Variants in SMOC1 observed in about 807,000 individuals in gnomAD.
The protein encoded by SMOC1 is SPARC related modular calcium binding 1, also known as SPARC-related modular calcium-binding protein 1.
A neutral mutation model predicts 56.3 loss-of-function variants in SMOC1; 22 were observed. The ratio of observed to expected loss-of-function variants is 0.39; its 90% CI spans 0.28 to 0.56. The LOEUF is 0.56. Among genes scored for constraint, SMOC1 ranks in the 20% least tolerant of loss-of-function variants. The pLI, the probability that SMOC1 is intolerant of heterozygous loss-of-function variation, is 0.61. For synonymous variants in SMOC1, 193 were observed against 215.0 expected (o/e 0.90, Z 0.89); for missense variants, 509 against 565.4 (o/e 0.90, Z 1.01).
At chr14:69,975,646 G>A in intron 3 of SMOC1, 69 bp from the exon 4 acceptor site, 1 of 1,084,054 alleles carries the variant, frequency 9.2e-7, no homozygotes, top group Non-Finnish European at 1.4e-6. Flanking sequence ...CTTTGAAAGG[G>A]GTTGGAGATG....
intron 7 of SMOC1, among the ~76,000 whole-genome samples, chr14:70,007,104 T>C (rs1438130006): frequency 1.3e-5 from 2 of 152,226 alleles, no homozygotes; most frequent in African/African-American, 4.8e-5. Context: ...CAGATTAGCC[T>C]GTGGCAAGAA....
chr14:69,944,752 G>A (rs1882719475), intron 1 of SMOC1, among the ~76,000 whole-genome samples: 2 of 152,162 alleles, frequency 1.3e-5, no homozygotes, highest in African/African-American at 4.8e-5. Flanking sequence ...CGAGTTATGG[G>A]TGAGATGACA....
intron 10 of SMOC1, among the ~76,000 whole-genome samples, chr14:70,016,287 TC>T (rs1271233245): frequency 6.6e-6 from 1 of 152,266 alleles, no homozygotes; most frequent in Non-Finnish European, 1.5e-5. Flanking sequence ...TTTTTTCCAT[TC>T]TATTTTAAGC....
chr14:70,024,993 G>A (rs1594862081), intron 11 of SMOC1, among the ~76,000 whole-genome samples: 1 of 152,130 alleles, frequency 6.6e-6, no homozygotes, highest in East Asian at 1.9e-4. Context: ...GAGAGAAGTG[G>A]GTGATTGGAG....
rs140453177 is a variant in SMOC1, at chr14:69,983,743, T to C, written c.526+5778T>C. On this transcript the variant is annotated intron_variant, in intron 5 of 11. Transcript: ENST00000361956. Reference sequence around the variant, plus strand: ...AGAGCTTGTCAGGCCAATGAGAGTATGTTCATTTGCTCCCTGCTCCCGGCC... The same window carrying C: ...AGAGCTTGTCAGGCCAATGAGAGTACGTTCATTTGCTCCCTGCTCCCGGCC... Among the ~76,000 whole-genome samples the C allele has an allele frequency of 4.9e-4, 74 of 152,332 alleles. 1 individual carries two copies. In the East Asian group the frequency reaches 0.014, roughly 29 times the overall value.
chr14:69,960,625 C>T (rs982072337), intron 3 of SMOC1, among the ~76,000 whole-genome samples: 16 of 152,260 alleles, frequency 1.1e-4, no homozygotes, highest in African/African-American at 1.7e-4. Context: ...ATTATTATTA[C>T]AGTGTGAACA....
At chr14:69,903,116 C>T (rs984080161) in intron 1 of SMOC1, among the ~76,000 whole-genome samples, 9 of 151,900 alleles carry the variant, frequency 5.9e-5, no homozygotes, top group Non-Finnish European at 1.3e-4. Context: ...GCCCGGCTGC[C>T]CAGTCTGGGA....
intron 3 of SMOC1, among the ~76,000 whole-genome samples, chr14:69,962,660 T>C (rs1231697279): frequency 6.6e-6 from 1 of 152,098 alleles, no homozygotes; most frequent in Admixed American, 6.5e-5. Flanking sequence ...CACTGCAACC[T>C]CGGCCTCTTG....
intron 3 of SMOC1, among the ~76,000 whole-genome samples, chr14:69,965,916 G>C (rs1050092241): frequency 1.3e-5 from 2 of 152,196 alleles, no homozygotes; most frequent in African/African-American, 2.4e-5. Flanking sequence ...CGGCAGGTCA[G>C]TCAACTAAAC....
chr14:69,982,046 C>T (rs1055643244), intron 5 of SMOC1, among the ~76,000 whole-genome samples: 1 of 152,120 alleles, frequency 6.6e-6, no homozygotes, highest in African/African-American at 2.4e-5. Flanking sequence ...TCTCTGTGAG[C>T]TTTTGACTTC....
intron 1 of SMOC1, among the ~76,000 whole-genome samples, chr14:69,903,336 G>T (rs1032924622): frequency 4.6e-5 from 7 of 151,742 alleles, no homozygotes; most frequent in African/African-American, 1.7e-4. Flanking sequence ...GAGCCCCTCC[G>T]CCCGGCAGCC....
chr14:69,891,486 G>A (rs1335599975), intron 1 of SMOC1, among the ~76,000 whole-genome samples: 1 of 152,176 alleles, frequency 6.6e-6, no homozygotes, highest in Admixed American at 6.5e-5. Context: ...ATGAAGCTGA[G>A]CATGACTTTC....
intron 1 of SMOC1, among the ~76,000 whole-genome samples, chr14:69,883,885 G>A (rs1883714906): frequency 8.4e-6 from 1 of 119,062 alleles, no homozygotes; most frequent in Admixed American, 8.8e-5. Flanking sequence ...TAGTGATGTT[G>A]AGCATTTTTT....
intron 1 of SMOC1, among the ~76,000 whole-genome samples, chr14:69,935,170 A>C (rs997074574): frequency 1.1e-4 from 16 of 152,190 alleles, no homozygotes; most frequent in African/African-American, 3.9e-4. Flanking sequence ...ATAATTTTTA[A>C]GGCAGTTTTC....
rs573056464 is a variant in SMOC1, at chr14:69,917,417, C to T, written c.100-34721C>T. 8.8e-4 allele frequency among the ~76,000 whole-genome samples: 134 copies of T among 152,260 alleles called. 1 individual carries two copies. Among genetic ancestry groups the T allele is most frequent in the African/African-American group, 3.1e-3 (129 of 41,538 alleles). On this transcript the variant is annotated intron_variant, in intron 1 of 11. Coordinates refer to ENST00000361956, the MANE Select transcript of SMOC1 (RefSeq NM_001034852.3). ...AACTTTACTTGCTTCTAGAATTTCA[C>T]GTGGACAGACATGTGTAGCTTGCAT...
chr14:70,000,832 C>A (rs1884940959), intron 7 of SMOC1, among the ~76,000 whole-genome samples: 1 of 152,222 alleles, frequency 6.6e-6, no homozygotes, highest in Non-Finnish European at 1.5e-5. Flanking sequence ...CACCTCCTCA[C>A]CCATGACACT....
At chr14:69,921,026 A>G (rs765538993) in intron 1 of SMOC1, among the ~76,000 whole-genome samples, 56 of 152,182 alleles carry the variant, frequency 3.7e-4, no homozygotes, top group Non-Finnish European at 7.2e-4. Context: ...CTTGTGGGTG[A>G]GGACCCATAG....
intron 5 of SMOC1, among the ~76,000 whole-genome samples, chr14:69,983,661 C>T (rs1027251504): frequency 1.6e-4 from 24 of 152,258 alleles, no homozygotes; most frequent in Admixed American, 6.5e-5. Context: ...CTGCCAGGTT[C>T]CTGAGCCCTC....
chr14:69,992,446 G>A lies in SMOC1; in HGVS notation c.556G>A (p.Glu186Lys). Reference sequence around the variant, plus strand: ...CGGGTCTAAGCCGACACCCACGATGGAGACCCAGCCGGTGTTCGATGGAGA... The same window carrying A: ...CGGGTCTAAGCCGACACCCACGATGAAGACCCAGCCGGTGTTCGATGGAGA... ...DDGSKPTPTM[E>K]TQPVFDGDEI... Residue 186 changes from glutamate to lysine, a missense_variant, in exon 6 of 12, where the codon GAG becomes AAG. Transcript: ENST00000361956. 1 of 1,614,082 alleles carries A rather than the reference G, an allele frequency of 6.2e-7. No individual in the cohort carries two copies. Among genetic ancestry groups the A allele is most frequent in the Non-Finnish European group, 8.5e-7 (1 of 1,179,946 alleles).
Sources: gnomAD v4.1 joint callset for allele counts (sites outside exome capture counted in the v4.1 genomes callset) on GRCh38, gnomAD v4.1.1 for gene constraint, MANE v1.5 for transcripts, NCBI Gene and HGNC (gene_info 2026-07-23, HGNC 2026-07-21) for gene names.